Variants in MIPEP observed in about 807,000 individuals in gnomAD.
MIPEP encodes mitochondrial intermediate peptidase.
MIPEP carries 79 observed loss-of-function variants against 90.3 expected under a neutral mutation model. That is an observed-to-expected ratio of 0.87 (90% CI 0.73 to 1.05). The LOEUF (loss-of-function observed/expected upper bound fraction) is 1.05, where lower values mean the gene tolerates loss of function less well. MIPEP is among the 50% of genes least tolerant of loss of function. The pLI is 0.00. For synonymous variants in MIPEP, 334 were observed against 315.8 expected (o/e 1.06, Z -0.61); for missense variants, 940 against 905.6 (o/e 1.04, Z -0.49).
In MIPEP at chr13:23,873,073, A is replaced by G. The variant is rs186481217; in HGVS notation, c.603+1773T>C. 5.3e-5 allele frequency among the ~76,000 whole-genome samples: 8 copies of G among 152,360 alleles called. No individual in the cohort carries two copies. The East Asian group carries it at 1.5e-3, about 29-fold the overall frequency. ...TAAAGAAGAATGCCACATGACTGAA[A>G]TAAGTAAAATACGTTCGGATGAATA... On this transcript the variant is annotated intron_variant, in intron 5 of 18. Coordinates refer to ENST00000382172, the MANE Select transcript of MIPEP (RefSeq NM_005932.4).
intron 18 of MIPEP, among the ~76,000 whole-genome samples, chr13:23,753,066 A>G (rs1381536224): frequency 1.3e-5 from 2 of 152,062 alleles, no homozygotes; most frequent in Non-Finnish European, 2.9e-5. Flanking sequence ...CGTCTCTACT[A>G]AAAATACAAA....
chr13:23,767,878 T>C lies in MIPEP; in HGVS notation c.1849-7661A>G, dbSNP rs181877383. Reference sequence around the variant, plus strand: ...TTAGTAAGTGTTCCTTCCTTCATTTTCCCCTTTTTCCTTTTAGAAACAGAA... The same window carrying C: ...TTAGTAAGTGTTCCTTCCTTCATTTCCCCCTTTTTCCTTTTAGAAACAGAA... On this transcript the variant is annotated intron_variant, in intron 16 of 18. Coordinates refer to ENST00000382172, the MANE Select transcript of MIPEP (RefSeq NM_005932.4). Among the ~76,000 whole-genome samples, 174 of 152,324 alleles carry C rather than the reference T, an allele frequency of 1.1e-3. 5 individuals carry two copies. The East Asian group carries it at 0.028, about 24-fold the overall frequency.
At chr13:23,790,217 C>T (rs1158802220) in intron 16 of MIPEP, among the ~76,000 whole-genome samples, 5 of 152,158 alleles carry the variant, frequency 3.3e-5, no homozygotes, top group Non-Finnish European at 7.3e-5. Flanking sequence ...GGACCATAAT[C>T]CTCTTTACCC....
chr13:23,869,579 C>A (rs897192937), intron 6 of MIPEP, 131 bp from the exon 7 acceptor site: 2 of 836,624 alleles, frequency 2.4e-6, no homozygotes, highest in African/African-American at 1.7e-5. Context: ...ATGGTCTACA[C>A]GAGGCCATAA....
chr13:23,737,056 G>A (rs985758489), intron 18 of MIPEP, among the ~76,000 whole-genome samples: 2 of 152,198 alleles, frequency 1.3e-5, no homozygotes, highest in Non-Finnish European at 2.9e-5. Context: ...ACCTAAATAT[G>A]TAGAAAATCT....
intron 16 of MIPEP, among the ~76,000 whole-genome samples, chr13:23,766,366 C>T (rs932033222): frequency 6.6e-6 from 1 of 152,208 alleles, no homozygotes; most frequent in Non-Finnish European, 1.5e-5. Flanking sequence ...TTGTTGTTCA[C>T]ACTTGCACCT....
Position 23,889,323 on chromosome 13 carries a change from T to C in MIPEP, c.-3A>G. Reference sequence around the variant, plus strand: ...CCCAGCCTTCCGACGCACAGCATTCTAGCACCAGAGCAGTCCCTTCCTCCA... The same window carrying C: ...CCCAGCCTTCCGACGCACAGCATTCCAGCACCAGAGCAGTCCCTTCCTCCA... On this transcript the variant is annotated 5_prime_UTR_variant, in exon 1 of 19. Coordinates refer to ENST00000382172, the MANE Select transcript of MIPEP (RefSeq NM_005932.4). 5 of 1,343,002 alleles carry C rather than the reference T, an allele frequency of 3.7e-6. No homozygotes were observed. Among genetic ancestry groups the C allele is most frequent in the East Asian group, 3.1e-5 (1 of 32,022 alleles). 83.2% of individuals were successfully genotyped at this position (1,343,002 alleles called of 1,614,324 possible).
intron 14 of MIPEP, among the ~76,000 whole-genome samples, chr13:23,819,030 T>C (rs1953275359): frequency 6.6e-6 from 1 of 152,240 alleles, no homozygotes. Context: ...TATTTACCCT[T>C]ACACTTCGTG....
At chr13:23,847,727 T>C (rs1048084248) in intron 10 of MIPEP, among the ~76,000 whole-genome samples, 3 of 152,214 alleles carry the variant, frequency 2.0e-5, no homozygotes, top group Non-Finnish European at 2.9e-5. Flanking sequence ...ATTTGTGTTG[T>C]AAGATAAGAG....
At chr13:23,739,912 G>A (rs1353268114) in intron 18 of MIPEP, among the ~76,000 whole-genome samples, 3 of 152,236 alleles carry the variant, frequency 2.0e-5, no homozygotes, top group Non-Finnish European at 4.4e-5. Context: ...TCATGAGTTG[G>A]GGAGAAAGCC....
intron 7 of MIPEP, among the ~76,000 whole-genome samples, chr13:23,867,489 TCA>T (rs1487432902): frequency 6.6e-6 from 1 of 152,170 alleles, no homozygotes; most frequent in African/African-American, 2.4e-5. Context: ...CCTTCCCTGT[TCA>T]GTTTTCTCCA....
intron 10 of MIPEP, among the ~76,000 whole-genome samples, chr13:23,852,333 G>A (rs1439508897): frequency 6.6e-6 from 1 of 152,202 alleles, no homozygotes; most frequent in African/African-American, 2.4e-5. Flanking sequence ...CAAGAGTTAT[G>A]TAAGAAGATG....
chr13:23,779,470 G>C (rs1178230400), intron 16 of MIPEP, among the ~76,000 whole-genome samples: 2 of 151,342 alleles, frequency 1.3e-5, no homozygotes, highest in African/African-American at 2.4e-5. Flanking sequence ...AAGGTGTATG[G>C]GGGGGGCAGT....
chr13:23,757,357 C>T (rs773909569), intron 17 of MIPEP, among the ~76,000 whole-genome samples: 1 of 152,174 alleles, frequency 6.6e-6, no homozygotes. Flanking sequence ...CTTGCTCACC[C>T]ACCCACCACA....
At chr13:23,833,402 C>T (rs1868863554) in intron 14 of MIPEP, among the ~76,000 whole-genome samples, 1 of 152,222 alleles carries the variant, frequency 6.6e-6, no homozygotes, top group Non-Finnish European at 1.5e-5. Context: ...GAGACTACGT[C>T]TGTAAGTCCC....
intron 12 of MIPEP, 40 bp downstream of exon 12, chr13:23,839,608 CG>C: frequency 7.5e-7 from 1 of 1,326,982 alleles, no homozygotes; most frequent in Non-Finnish European, 1.0e-6. Flanking sequence ...AATGAAATGC[CG>C]ATCGGTTCTA....
intron 8 of MIPEP, 68 bp downstream of exon 8, chr13:23,864,073 A>C: frequency 4.3e-6 from 4 of 920,508 alleles, no homozygotes; most frequent in Non-Finnish European, 6.6e-6. Flanking sequence ...TTTTTTATAA[A>C]TCAAGTCTTC....
intron 14 of MIPEP, among the ~76,000 whole-genome samples, chr13:23,823,319 C>T (rs185421812): frequency 6.6e-6 from 1 of 152,200 alleles, no homozygotes; most frequent in East Asian, 1.9e-4. Context: ...ATACCTCTGC[C>T]ACAAAATTAG....
chr13:23,841,090 T>C (rs1869274294), intron 11 of MIPEP, among the ~76,000 whole-genome samples: 1 of 152,206 alleles, frequency 6.6e-6, no homozygotes, highest in Non-Finnish European at 1.5e-5. Context: ...TGAAGGTGCA[T>C]ATATATTCAA....
Sources: gnomAD v4.1 joint callset for allele counts (sites outside exome capture counted in the v4.1 genomes callset) on GRCh38, gnomAD v4.1.1 for gene constraint, MANE v1.5 for transcripts, NCBI Gene and HGNC (gene_info 2026-07-23, HGNC 2026-07-21) for gene names.